SCD5: variants seen among roughly 807,000 people sequenced by gnomAD.
The protein encoded by SCD5 is acyl-CoA-desaturase 4.
In SCD5, 20 loss-of-function variants were observed where a neutral mutation model predicts 30.4. The observed-to-expected ratio is 0.66, with a 90% CI of 0.46 to 0.96. The LOEUF is 0.96. Among genes scored for constraint, SCD5 ranks in the 40% least tolerant of loss-of-function variants. The probability of loss-of-function intolerance (pLI) is 0.00; values close to 1 mark genes in which losing one functional copy is unlikely to be tolerated. For missense variants in SCD5, 381 were observed against 443.3 expected (o/e 0.86, Z 1.26); for synonymous variants, 173 against 176.4 (o/e 0.98, Z 0.16).
intron 1 of SCD5, among the ~76,000 whole-genome samples, chr4:82,709,469 A>G (rs1720035956): frequency 6.6e-6 from 1 of 152,236 alleles, no homozygotes; most frequent in African/African-American, 2.4e-5. Flanking sequence ...ACAGAATAAT[A>G]TAAGAGAGAT....
At chr4:82,657,103 T>C (rs2148815940) in intron 3 of SCD5, among the ~76,000 whole-genome samples, 1 of 152,366 alleles carries the variant, frequency 6.6e-6, no homozygotes. Flanking sequence ...CTAGTTTAAT[T>C]AGATCCCATT....
intron 4 of SCD5, among the ~76,000 whole-genome samples, chr4:82,635,548 G>C (rs565301728): frequency 4.6e-5 from 7 of 151,122 alleles, no homozygotes; most frequent in African/African-American, 9.8e-5. Context: ...GTGAACCTGG[G>C]AGGCAGAGCT....
intron 1 of SCD5, among the ~76,000 whole-genome samples, chr4:82,722,655 A>C (rs1028032110): frequency 3.8e-5 from 4 of 106,234 alleles, no homozygotes; most frequent in African/African-American, 1.9e-4. Flanking sequence ...AATCCCAGCT[A>C]CTGAGGAGCT....
At chr4:82,663,974 G>C (rs28717711) in intron 3 of SCD5, among the ~76,000 whole-genome samples, 50,807 of 151,936 alleles carry the variant, frequency 0.33, 9,217 homozygotes, top group African/African-American at 0.48. Context: ...GCACAGGAGC[G>C]TTGCCTAAGA....
chr4:82,797,395 CAGG>C (rs1272026051), intron 1 of SCD5, among the ~76,000 whole-genome samples: 1 of 152,190 alleles, frequency 6.6e-6, no homozygotes, highest in East Asian at 1.9e-4. Flanking sequence ...TTATTGCGGC[CAGG>C]GCGGCTGCGA....
chr4:82,777,076 A>G (rs1330864034), intron 1 of SCD5, among the ~76,000 whole-genome samples: 1 of 152,248 alleles, frequency 6.6e-6, no homozygotes. Flanking sequence ...ATGGATGAGG[A>G]GCCGGAGAGC....
intron 1 of SCD5, among the ~76,000 whole-genome samples, chr4:82,797,605 A>G (rs915406551): frequency 2.0e-5 from 3 of 152,110 alleles, no homozygotes; most frequent in Admixed American, 6.5e-5. Flanking sequence ...GGCTCTGCAC[A>G]GCCACAGTCG....
chr4:82,709,797 G>A (rs888494960), intron 1 of SCD5, among the ~76,000 whole-genome samples: 7 of 152,218 alleles, frequency 4.6e-5, no homozygotes, highest in African/African-American at 1.7e-4. Flanking sequence ...ACAATAGCCA[G>A]AAGGCAGAAA....
intron 2 of SCD5, among the ~76,000 whole-genome samples, chr4:82,690,091 C>G (rs1265215081): frequency 6.6e-6 from 1 of 152,134 alleles, no homozygotes. Flanking sequence ...CAATTGGACC[C>G]TGAACTATTA....
chr4:82,691,059 C>T (rs1253103018), intron 2 of SCD5, among the ~76,000 whole-genome samples: 1 of 152,072 alleles, frequency 6.6e-6, no homozygotes, highest in Non-Finnish European at 1.5e-5. Flanking sequence ...GAGTCTCACT[C>T]TTGTCATCCA....
At chr4:82,725,053 A>C (rs1720443175) in intron 1 of SCD5, among the ~76,000 whole-genome samples, 1 of 152,244 alleles carries the variant, frequency 6.6e-6, no homozygotes, top group Non-Finnish European at 1.5e-5. Flanking sequence ...GATGATAACC[A>C]GGAAGAATTC....
At chr4:82,656,789 C>T (rs760136169) in intron 3 of SCD5, among the ~76,000 whole-genome samples, 42 of 152,170 alleles carry the variant, frequency 2.8e-4, no homozygotes, top group Non-Finnish European at 5.6e-4. Context: ...TAATGATCGC[C>T]ATTGTAACTG....
chr4:82,680,718 C>T lies in SCD5; in HGVS notation c.558G>A (p.Arg186=). ...GCCCATTCACTTACTTTCTCTGGAT[C>T]CGGACCACAGGATCAGCAAGCAGGT... ...VTDLLADPVV[R]IQRKYYKISV... Residue 186 remains arginine (R), a synonymous_variant, in exon 3 of 5, where the codon CGG becomes CGA. Transcript: ENST00000319540. The T allele has an allele frequency of 1.9e-6, 3 of 1,614,132 alleles. No homozygotes were observed. The highest frequency in any genetic ancestry group is 2.5e-6 in the Non-Finnish European group (3 of 1,180,032).
intron 1 of SCD5, among the ~76,000 whole-genome samples, chr4:82,709,309 T>C (rs1010316556): frequency 3.9e-5 from 6 of 152,096 alleles, no homozygotes. Flanking sequence ...TAAACATGAG[T>C]GCCAGTTTAT....
chr4:82,731,831 C>T (rs144812169), intron 1 of SCD5, among the ~76,000 whole-genome samples: 11 of 152,276 alleles, frequency 7.2e-5, no homozygotes, highest in East Asian at 1.9e-4. Flanking sequence ...CATTCCCTTC[C>T]GTCCCCAGAG....
At chr4:82,638,048 G>A (rs1187218613) in intron 3 of SCD5, among the ~76,000 whole-genome samples, 6 of 151,938 alleles carry the variant, frequency 3.9e-5, no homozygotes, top group South Asian at 2.1e-4. Context: ...TCCTGTGTCC[G>A]TGTGTTCTCA....
At chr4:82,727,529 C>T (rs1027101619) in intron 1 of SCD5, among the ~76,000 whole-genome samples, 7 of 152,160 alleles carry the variant, frequency 4.6e-5, no homozygotes, top group Non-Finnish European at 1.0e-4. Flanking sequence ...AGCTGCTGCT[C>T]CATGCTTTGG....
chr4:82,795,259 G>A (rs1194412175), intron 1 of SCD5, among the ~76,000 whole-genome samples: 1 of 152,172 alleles, frequency 6.6e-6, no homozygotes, highest in Non-Finnish European at 1.5e-5. Flanking sequence ...GCAAGCAATG[G>A]ACAGGCTAAG....
intron 1 of SCD5, among the ~76,000 whole-genome samples, chr4:82,759,673 T>C (rs72909661): frequency 0.13 from 19,016 of 141,184 alleles, 1,502 homozygotes; most frequent in African/African-American, 0.23. Context: ...AAAAAAGTTA[T>C]CTCTTGTAAA....
Sources: allele counts gnomAD v4.1 joint callset (sites outside exome capture counted in the v4.1 genomes callset), GRCh38; gene constraint gnomAD v4.1.1; transcripts MANE v1.5; gene names NCBI Gene and HGNC (gene_info 2026-07-23, HGNC 2026-07-21).